The following PACSIN2 variants were observed in gnomAD, a reference collection of about 807,000 sequenced individuals.
PACSIN2 encodes the protein protein kinase C and casein kinase substrate in neurons 2.
A neutral mutation model predicts 63.8 loss-of-function variants in PACSIN2; 25 were observed. The ratio of observed to expected loss-of-function variants is 0.39; its 90% CI spans 0.29 to 0.55. The LOEUF (loss-of-function observed/expected upper bound fraction) is 0.55. Among genes scored for constraint, PACSIN2 ranks in the 20% least tolerant of loss-of-function variants. The probability of loss-of-function intolerance (pLI) is 0.62; values close to 1 mark genes in which losing one functional copy is unlikely to be tolerated. For missense variants in PACSIN2, 518 were observed against 646.9 expected (o/e 0.80, Z 2.16); for synonymous variants, 255 against 256.2 (o/e 1.00, Z 0.05).
Position 42,871,146 on chromosome 22 carries a change from G to T in PACSIN2, c.*211C>A. ...GAGGGGCGGCTATTTCTGTTGTTCT[G>T]CGTCTTCCTGCGCTCAGATCCCTCC... On this transcript the variant is annotated 3_prime_UTR_variant, in exon 11 of 11. Transcript: ENST00000263246. This position sits in a 1 kb window ranked among gnomAD's most constrained non-coding sequence, Gnocchi z 5.4. 1.7e-6 allele frequency: 1 copy of T among 587,550 alleles called. No homozygotes were observed. Among genetic ancestry groups the T allele is most frequent in the South Asian group, 2.0e-5 (1 of 50,364 alleles). The allele number at this position is 587,550 out of a possible 1,614,324, so 36.4% of individuals were successfully genotyped here.
At chr22:42,991,115 C>T (rs372378193) in intron 1 of PACSIN2, among the ~76,000 whole-genome samples, 9 of 152,342 alleles carry the variant, frequency 5.9e-5, no homozygotes, top group Middle Eastern at 6.8e-3. Context: ...TCAGAACACA[C>T]TGCCCCCAGA....
At chr22:42,974,449 A>G (rs1921539602) in intron 1 of PACSIN2, among the ~76,000 whole-genome samples, 1 of 152,192 alleles carries the variant, frequency 6.6e-6, no homozygotes, top group African/African-American at 2.4e-5. Flanking sequence ...TCCCCACTGG[A>G]GAACAGTAGA....
chr22:42,872,608 G>A (rs185584137), intron 10 of PACSIN2, among the ~76,000 whole-genome samples: 6 of 152,320 alleles, frequency 3.9e-5, no homozygotes, highest in African/African-American at 9.6e-5. Context: ...AGTGCTCCCC[G>A]GACTGCCTGG....
At chr22:42,933,489 A>G (rs1932824352) in intron 1 of PACSIN2, among the ~76,000 whole-genome samples, 1 of 152,214 alleles carries the variant, frequency 6.6e-6, no homozygotes, top group Non-Finnish European at 1.5e-5. Flanking sequence ...GAACACACCC[A>G]TGTTCATGTT....
intron 7 of PACSIN2, among the ~76,000 whole-genome samples, chr22:42,879,756 G>A (rs370482570): frequency 6.6e-6 from 1 of 152,178 alleles, no homozygotes; most frequent in African/African-American, 2.4e-5. Flanking sequence ...ATAAAACCAG[G>A]TGCAAATAAA....
At chr22:42,973,316 T>C (rs756584582) in intron 1 of PACSIN2, among the ~76,000 whole-genome samples, 2 of 152,144 alleles carry the variant, frequency 1.3e-5, no homozygotes, top group African/African-American at 2.4e-5. Context: ...CACAAGGCAA[T>C]CCCTCCTGAG....
At chr22:42,955,667 A>G (rs1933885744) in intron 1 of PACSIN2, among the ~76,000 whole-genome samples, 1 of 152,216 alleles carries the variant, frequency 6.6e-6, no homozygotes. Flanking sequence ...TTATCCACCA[A>G]AAGTGGTCTT....
At chr22:42,892,294 C>T (rs370877230) in intron 3 of PACSIN2, among the ~76,000 whole-genome samples, 3 of 152,052 alleles carry the variant, frequency 2.0e-5, no homozygotes, top group African/African-American at 2.4e-5. Context: ...TGACCAAGTG[C>T]GCTGAGTCAT....
chr22:42,904,483 T>A (rs1930925274), intron 2 of PACSIN2, among the ~76,000 whole-genome samples: 2 of 152,286 alleles, frequency 1.3e-5, no homozygotes, highest in South Asian at 4.1e-4. Flanking sequence ...CATGGCGAGA[T>A]CACCTGCCCG....
intron 1 of PACSIN2, among the ~76,000 whole-genome samples, chr22:42,982,800 C>A (rs1601602279): frequency 7.2e-6 from 1 of 138,750 alleles, no homozygotes; most frequent in Non-Finnish European, 1.5e-5. Flanking sequence ...TATCTGCTGA[C>A]CTTCCCTCCA....
chr22:42,878,931 G>C (rs529892201), intron 8 of PACSIN2, 117 bp downstream of exon 8: 1 of 1,231,656 alleles, frequency 8.1e-7, no homozygotes, highest in Non-Finnish European at 1.1e-6. Context: ...GGCCCACAGA[G>C]CTCAGGAGCC....
chr22:42,922,654 C>T (rs530376721), intron 1 of PACSIN2, among the ~76,000 whole-genome samples: 185 of 152,254 alleles, frequency 1.2e-3, no homozygotes, highest in African/African-American at 4.1e-3. Flanking sequence ...TGGGAAATAA[C>T]GATTTATTCT....
chr22:42,929,350 A>G (rs568760070), intron 1 of PACSIN2, among the ~76,000 whole-genome samples: 430 of 152,370 alleles, frequency 2.8e-3, no homozygotes, highest in Non-Finnish European at 3.5e-3. Flanking sequence ...GAAAGTCAAC[A>G]GCAATTAATA....
intron 7 of PACSIN2, 94 bp downstream of exon 7, chr22:42,882,090 A>G: frequency 7.0e-7 from 1 of 1,430,456 alleles, no homozygotes; most frequent in East Asian, 2.3e-5. Context: ...AAACACTAAC[A>G]TAGAGTCTAG....
At chr22:42,948,835 A>C (rs1330541804) in intron 1 of PACSIN2, among the ~76,000 whole-genome samples, 2 of 152,222 alleles carry the variant, frequency 1.3e-5, no homozygotes, top group Non-Finnish European at 2.9e-5. Flanking sequence ...ACAAACTGAT[A>C]AATGAATTCT....
At chr22:42,891,260 A>G in intron 3 of PACSIN2, 78 bp from the exon 4 acceptor site, 8 of 886,516 alleles carry the variant, frequency 9.0e-6, no homozygotes, top group Non-Finnish European at 1.4e-5. Flanking sequence ...TCGGCTGTTC[A>G]ATGTGGCCAT....
rs149054262 is a variant in PACSIN2, at chr22:42,960,653, G to C, written c.-77-48496C>G. On this transcript the variant is annotated intron_variant, in intron 1 of 10. Coordinates refer to ENST00000263246, the MANE Select transcript of PACSIN2 (RefSeq NM_001184970.3). ...TGCTGTACGATTCCCTTTGGATCCA[G>C]CACAAGAAAAGGCGTAACTAATCTA... Among the ~76,000 whole-genome samples, 84 of 152,178 alleles carry C rather than the reference G, an allele frequency of 5.5e-4. 1 individual carries two copies. Among genetic ancestry groups the C allele is most frequent in the Middle Eastern group, 3.4e-3 (1 of 294 alleles).
chr22:42,965,923 A>T (rs1920949803), intron 1 of PACSIN2, among the ~76,000 whole-genome samples: 1 of 100,074 alleles, frequency 1.0e-5, no homozygotes, highest in Non-Finnish European at 2.0e-5. Context: ...AAATAAATAA[A>T]TAATCATAAA....
intron 1 of PACSIN2, among the ~76,000 whole-genome samples, chr22:42,965,329 T>C (rs891925537): frequency 6.6e-6 from 1 of 152,200 alleles, no homozygotes; most frequent in Non-Finnish European, 1.5e-5. Flanking sequence ...AATGGAAATA[T>C]TCTGTCTTGA....
Sources: gnomAD v4.1 joint callset for allele counts (sites outside exome capture counted in the v4.1 genomes callset) on GRCh38, gnomAD v4.1.1 for gene constraint, Gnocchi (gnomAD v3.1) non-coding constraint, MANE v1.5 for transcripts, NCBI Gene and HGNC (gene_info 2026-07-23, HGNC 2026-07-21) for gene names.